Variants in SLC25A21 observed in about 807,000 individuals in gnomAD.
SLC25A21 encodes the protein solute carrier family 25 member 21.
SLC25A21 carries 47 observed loss-of-function variants against 43.8 expected under a neutral mutation model. The observed-to-expected ratio is 1.07, with a 90% CI of 0.85 to 1.37. The LOEUF is 1.37. Ranked by LOEUF, SLC25A21 falls within the 40% of genes most tolerant of loss-of-function variation. The probability of loss-of-function intolerance (pLI) is 0.00; values close to 1 mark genes in which losing one functional copy is unlikely to be tolerated. For synonymous variants in SLC25A21, 131 were observed against 121.3 expected (o/e 1.08, Z -0.52); for missense variants, 352 against 350.2 (o/e 1.00, Z -0.04).
intron 1 of SLC25A21, among the ~76,000 whole-genome samples, chr14:37,152,165 C>T (rs1963769826): frequency 6.6e-6 from 1 of 152,196 alleles, no homozygotes; most frequent in Admixed American, 6.5e-5. Context: ...TACTTATTGA[C>T]TATGATAGTT....
chr14:36,991,671 G>A (rs1206183331), intron 1 of SLC25A21, among the ~76,000 whole-genome samples: 5 of 152,194 alleles, frequency 3.3e-5, no homozygotes, highest in Non-Finnish European at 5.9e-5. Context: ...ATAGCAAGTA[G>A]CAGAGCTCAC....
chr14:36,993,690 A>T (rs1315513950), intron 1 of SLC25A21, among the ~76,000 whole-genome samples: 1 of 152,176 alleles, frequency 6.6e-6, no homozygotes, highest in Non-Finnish European at 1.5e-5. Flanking sequence ...ACATCTTATC[A>T]TCATTCTCAT....
chr14:37,036,027 G>A (rs1013158011), intron 1 of SLC25A21, among the ~76,000 whole-genome samples: 1 of 152,132 alleles, frequency 6.6e-6, no homozygotes, highest in Non-Finnish European at 1.5e-5. Context: ...TTGGACAAAT[G>A]AGTTAAGTTT....
chr14:36,830,393 G>C (rs920169544), intron 2 of SLC25A21, among the ~76,000 whole-genome samples: 5 of 152,158 alleles, frequency 3.3e-5, no homozygotes, highest in Admixed American at 6.5e-5. Flanking sequence ...TCAGTAAATT[G>C]TCTAACCTAA....
In SLC25A21 at chr14:36,776,230, C is replaced by CTTTTTTTTTTTTTTTTTTTT. The variant is rs1328087696; in HGVS notation, c.203+37687_203+37688insAAAAAAAAAAAAAAAAAAAA. Among the ~76,000 whole-genome samples, 46 of 70,824 alleles carry CTTTTTTTTTTTTTTTTTTTT rather than the reference C, an allele frequency of 6.5e-4. 12 individuals are homozygous for CTTTTTTTTTTTTTTTTTTTT. The highest frequency in any genetic ancestry group is 8.4e-4 in the African/African-American group (12 of 14,228). The allele number at this position is 70,824 out of a possible 152,430, so 46.5% of individuals were successfully genotyped here. ...ACTGCTTTCTTTTTTCTTTTTCTTT[C>CTTTTTTTTTTTTTTTTTTTT]TTTCTTTCTTTTTTTTTTTTTTTTG... is the stretch of plus-strand genomic sequence containing the variant. On this transcript the variant is annotated intron_variant, in intron 3 of 9. Coordinates refer to ENST00000331299, the MANE Select transcript of SLC25A21 (RefSeq NM_030631.4).
rs149914307 is a variant in SLC25A21, at chr14:36,869,941, A to G, written c.119+5015T>C. Among the ~76,000 whole-genome samples the G allele has an allele frequency of 6.3e-3, 963 of 152,316 alleles. 10 individuals carry two copies. Among genetic ancestry groups the G allele is most frequent in the African/African-American group, 0.021 (869 of 41,562 alleles). ...CACATTATCTGCTAAGAGTTTGACAATGTGGAAATAGTAGGGAAAAGGAAC... is the reference window on the plus strand; with the variant it reads ...CACATTATCTGCTAAGAGTTTGACAGTGTGGAAATAGTAGGGAAAAGGAAC... On this transcript the variant is annotated intron_variant, in intron 2 of 9. Transcript: ENST00000331299.
intron 1 of SLC25A21, among the ~76,000 whole-genome samples, chr14:36,901,142 A>C (rs1214111475): frequency 6.6e-6 from 1 of 152,234 alleles, no homozygotes; most frequent in Non-Finnish European, 1.5e-5. Flanking sequence ...GGAAAGAGGG[A>C]GAAGAGCAGA....
rs1882089024 is a variant in SLC25A21 at position 36,679,418 on chromosome 14, T to C, written c.*1240A>G. 5.1e-6 allele frequency: 5 copies of C among 984,664 alleles called. No individual in the cohort carries two copies. Among genetic ancestry groups the C allele is most frequent in the Admixed American group, 6.1e-5 (1 of 16,262 alleles). 61.0% of individuals were successfully genotyped at this position (984,664 alleles called of 1,614,324 possible). A position where few individuals can be genotyped will look rare whatever the true frequency, so the allele number is the denominator to read the frequency against. ...ATGCTTTAGTGAAATAGCCCCGTAG[T>C]AGAAATAGCCCACGGTAGTAACTTA... On this transcript the variant is annotated 3_prime_UTR_variant, in exon 10 of 10. Coordinates refer to ENST00000331299, the MANE Select transcript of SLC25A21 (RefSeq NM_030631.4).
chr14:36,840,688 ATAT>A (rs1439322143), intron 2 of SLC25A21, among the ~76,000 whole-genome samples: 1 of 152,222 alleles, frequency 6.6e-6, no homozygotes, highest in Non-Finnish European at 1.5e-5. Context: ...TTCCCGTTTA[ATAT>A]TATAAAATGG....
chr14:36,903,670 A>G (rs1489737650), intron 1 of SLC25A21, among the ~76,000 whole-genome samples: 1 of 138,960 alleles, frequency 7.2e-6, no homozygotes, highest in African/African-American at 2.5e-5. Context: ...AAAAATCAGG[A>G]GTTTTCACAT....
At chr14:37,119,510 T>C (rs1317288096) in intron 1 of SLC25A21, among the ~76,000 whole-genome samples, 2 of 151,494 alleles carry the variant, frequency 1.3e-5, no homozygotes, top group East Asian at 3.9e-4. Flanking sequence ...TAAGCCAAGA[T>C]AGTGCCACTA....
chr14:36,753,345 T>G (rs1885787119), intron 3 of SLC25A21, among the ~76,000 whole-genome samples: 1 of 152,154 alleles, frequency 6.6e-6, no homozygotes, highest in South Asian at 2.1e-4. Context: ...CAATTAGGTT[T>G]CCAGGAAAGG....
At chr14:37,032,363 G>A (rs942176932) in intron 1 of SLC25A21, among the ~76,000 whole-genome samples, 3 of 151,946 alleles carry the variant, frequency 2.0e-5, no homozygotes, top group African/African-American at 7.3e-5. Flanking sequence ...GTGAAACCCT[G>A]TCTCTACCAC....
At chr14:36,769,453 AT>A (rs1164801360) in intron 3 of SLC25A21, among the ~76,000 whole-genome samples, 4 of 152,220 alleles carry the variant, frequency 2.6e-5, no homozygotes, top group Admixed American at 6.5e-5. Flanking sequence ...GAAAATTTTA[AT>A]GTAGCACCAT....
chr14:37,139,878 T>C (rs1422804226), intron 1 of SLC25A21, among the ~76,000 whole-genome samples: 3 of 152,212 alleles, frequency 2.0e-5, no homozygotes, highest in African/African-American at 7.2e-5. Context: ...ACCAGCTAAA[T>C]ACTTGAGATG....
At position 36,795,069 on chromosome 14, in the gene SLC25A21, C is replaced by T. The variant is rs558450425; in HGVS notation, c.203+18849G>A. Reference sequence around the variant, plus strand: ...GGGAAATGAGGGAATTCCCAGACCACCCTAATAAGAGTATAGACCTTATAA... The same window carrying T: ...GGGAAATGAGGGAATTCCCAGACCATCCTAATAAGAGTATAGACCTTATAA... On this transcript the variant is annotated intron_variant, in intron 3 of 9. Transcript: ENST00000331299. 3.9e-5 allele frequency among the ~76,000 whole-genome samples: 6 copies of T among 152,148 alleles called. No individual in the cohort carries two copies. The South Asian group carries it at 1.2e-3, about 32-fold the overall frequency.
chr14:37,027,113 A>G (rs1961109488), intron 1 of SLC25A21, among the ~76,000 whole-genome samples: 3 of 152,188 alleles, frequency 2.0e-5, no homozygotes, highest in Admixed American at 2.0e-4. Context: ...ATTGAATTAC[A>G]AGAACCAGGT....
chr14:36,939,767 T>A (rs1295018908), intron 1 of SLC25A21, among the ~76,000 whole-genome samples: 1 of 152,044 alleles, frequency 6.6e-6, no homozygotes, highest in Non-Finnish European at 1.5e-5. Flanking sequence ...GGGGATAAAA[T>A]GGATTCAGAA....
intron 2 of SLC25A21, among the ~76,000 whole-genome samples, chr14:36,847,041 C>T (rs1036444909): frequency 3.9e-5 from 6 of 152,156 alleles, no homozygotes; most frequent in South Asian, 2.1e-4. Context: ...AATGTTTATA[C>T]GTCTAGCCGC....
Sources: gnomAD v4.1 joint callset for allele counts (sites outside exome capture counted in the v4.1 genomes callset) on GRCh38, gnomAD v4.1.1 for gene constraint, MANE v1.5 for transcripts, NCBI Gene and HGNC (gene_info 2026-07-23, HGNC 2026-07-21) for gene names.